Variants in SAMD5 observed in about 807,000 individuals in gnomAD.
SAMD5 encodes sterile alpha motif domain containing 5.
SAMD5 carries 13 observed loss-of-function variants against 11.3 expected under a neutral mutation model. That is an observed-to-expected ratio of 1.15 (90% confidence interval 0.75 to 1.83). The LOEUF (loss-of-function observed/expected upper bound fraction) is 1.83, where lower values mean the gene tolerates loss of function less well. SAMD5 is among the 40% of genes most tolerant of loss of function. SAMD5 has a pLI of 0.00. For synonymous variants in SAMD5, 129 were observed against 111.3 expected (o/e 1.16, Z -1.00); for missense variants, 255 against 239.1 (o/e 1.07, Z -0.44).
intron 1 of SAMD5, among the ~76,000 whole-genome samples, chr6:147,523,073 C>A: frequency 6.6e-6 from 1 of 152,082 alleles, no homozygotes. Flanking sequence ...ACTCACCTCC[C>A]CCTCAATCCC....
chr6:147,519,411 G>A (rs1240058819), intron 1 of SAMD5, among the ~76,000 whole-genome samples: 3 of 152,008 alleles, frequency 2.0e-5, no homozygotes, highest in Non-Finnish European at 4.4e-5. Context: ...ACCTTTTAAA[G>A]TATTAAAATT....
At chr6:147,783,401 C>T in the SAMD5 span, among the ~76,000 whole-genome samples, 3 of 119,898 alleles carry the variant, frequency 2.5e-5, no homozygotes, top group Admixed American at 9.3e-5. Context: ...TGCGGGGGGT[C>T]GGGGCGGGGG....
At chr6:147,570,662 A>AATTTT (rs146089032), downstream of SAMD5, among the ~76,000 whole-genome samples, 13,685 of 152,018 alleles carry the variant, frequency 0.09, 1,147 homozygotes, top group African/African-American at 0.23. Flanking sequence ...CAAATCATTT[A>AATTTT]AATCAAATCA....
chr6:147,661,902 T>G (rs968293062), intron 1 of SAMD5, among the ~76,000 whole-genome samples: 3 of 152,250 alleles, frequency 2.0e-5, no homozygotes, highest in African/African-American at 7.2e-5. Context: ...TTGCTGGGAT[T>G]ACAGGCGTGA....
chr6:147,790,830 T>C, the SAMD5 span, among the ~76,000 whole-genome samples: 1 of 137,388 alleles, frequency 7.3e-6, no homozygotes, highest in Non-Finnish European at 1.6e-5. Flanking sequence ...CTCTCTCTTC[T>C]CTGTCTCCTC....
the SAMD5 span, among the ~76,000 whole-genome samples, chr6:147,804,646 T>G: frequency 6.6e-6 from 1 of 152,088 alleles, no homozygotes; most frequent in Non-Finnish European, 1.5e-5. Flanking sequence ...AAAGCTCAAC[T>G]GAAAAGTGCA....
At chr6:147,946,809 G>T in the SAMD5 span, among the ~76,000 whole-genome samples, 1 of 152,124 alleles carries the variant, frequency 6.6e-6, no homozygotes, top group Non-Finnish European at 1.5e-5. Flanking sequence ...ATTAGCAACT[G>T]AAATTAGAAA....
chr6:147,657,851 A>G (rs1790593320), intron 1 of SAMD5, among the ~76,000 whole-genome samples: 1 of 152,158 alleles, frequency 6.6e-6, no homozygotes, highest in African/African-American at 2.4e-5. Context: ...ACCTCCTAAT[A>G]TCATCCCCTT....
the SAMD5 span, among the ~76,000 whole-genome samples, chr6:147,848,292 G>A: frequency 2.9e-3 from 435 of 152,186 alleles, no homozygotes; most frequent in African/African-American, 9.6e-3. Flanking sequence ...AGTTATTCCC[G>A]TTGCTTAATT....
Position 147,508,977 on chromosome 6 carries a change from CAGTACGCGG to C in SAMD5, c.53_61del (p.Tyr18_Glu20del). Reference sequence around the variant, plus strand: ...GTGGCTCAAAGCGCTGCAGCTTCCGCAGTACGCGGAGTCCTTCGTGGATAACGGCTACGA... The same window carrying C: ...GTGGCTCAAAGCGCTGCAGCTTCCGCAGTCCTTCGTGGATAACGGCTACGA... On this transcript the variant is annotated inframe_deletion, in exon 1 of 2. Coordinates refer to ENST00000367474, the MANE Select transcript of SAMD5 (RefSeq NM_001030060.3). 6.2e-7 allele frequency: 1 copy of C among 1,601,506 alleles called. No individual in the cohort carries two copies. Among genetic ancestry groups the C allele is most frequent in the Non-Finnish European group, 8.5e-7 (1 of 1,174,578 alleles).
chr6:147,843,618 A>G, the SAMD5 span, among the ~76,000 whole-genome samples: 2 of 152,218 alleles, frequency 1.3e-5, no homozygotes, highest in Non-Finnish European at 2.9e-5. Context: ...GGCAATCAAA[A>G]CAGCATGATA....
At chr6:147,603,844 A>G (rs1562331184) in intron 1 of SAMD5, among the ~76,000 whole-genome samples, 1 of 152,170 alleles carries the variant, frequency 6.6e-6, no homozygotes, top group African/African-American at 2.4e-5. Flanking sequence ...TGGGAGCTGG[A>G]GGGTTTGATT....
At chr6:147,878,699 A>C in the SAMD5 span, among the ~76,000 whole-genome samples, 1 of 151,004 alleles carries the variant, frequency 6.6e-6, no homozygotes, top group South Asian at 2.1e-4. Context: ...TAGTGTATAG[A>C]TATATCTAGC....
At chr6:147,514,715 C>A (rs1179833249) in intron 1 of SAMD5, among the ~76,000 whole-genome samples, 1 of 152,018 alleles carries the variant, frequency 6.6e-6, no homozygotes, top group Non-Finnish European at 1.5e-5. Flanking sequence ...TAGATTTTTT[C>A]ACTGAAAAGT....
intron 1 of SAMD5, among the ~76,000 whole-genome samples, chr6:147,655,213 T>C (rs1790547824): frequency 1.3e-5 from 2 of 152,320 alleles, no homozygotes; most frequent in Admixed American, 6.5e-5. Flanking sequence ...CTTCTTCTGA[T>C]ATACACACAG....
chr6:147,850,021 T>C, the SAMD5 span, among the ~76,000 whole-genome samples: 3 of 152,242 alleles, frequency 2.0e-5, no homozygotes, highest in Admixed American at 6.5e-5. Flanking sequence ...AGCAGTCTGA[T>C]CTTTTTGGCT....
the SAMD5 span, among the ~76,000 whole-genome samples, chr6:147,860,705 C>T: frequency 6.6e-6 from 1 of 152,156 alleles, no homozygotes; most frequent in Non-Finnish European, 1.5e-5. Context: ...GACCTAATAC[C>T]TGCTTCTAAT....
At chr6:147,873,270 G>A in the SAMD5 span, among the ~76,000 whole-genome samples, 15 of 151,942 alleles carry the variant, frequency 9.9e-5, no homozygotes, top group African/African-American at 2.9e-4. Flanking sequence ...CCAGCTACTC[G>A]GGAGGCTGAG....
chr6:147,898,781 T>TTA, the SAMD5 span, among the ~76,000 whole-genome samples: 7 of 152,108 alleles, frequency 4.6e-5, no homozygotes, highest in African/African-American at 1.7e-4. Context: ...ATACATGTGC[T>TTA]TATATATATA....
Sources: gnomAD v4.1 joint callset for allele counts (sites outside exome capture counted in the v4.1 genomes callset) on GRCh38, gnomAD v4.1.1 for gene constraint, MANE v1.5 for transcripts, NCBI Gene and HGNC (gene_info 2026-07-23, HGNC 2026-07-21) for gene names.